PTK2: variants seen among roughly 807,000 people sequenced by gnomAD.
PTK2 encodes the protein protein tyrosine kinase 2.
Under a neutral mutation model 150.1 loss-of-function variants are expected in PTK2, and 45 were observed. The ratio of observed to expected loss-of-function variants is 0.30; its 90% CI spans 0.24 to 0.38. The LOEUF (loss-of-function observed/expected upper bound fraction) is 0.38. Among genes scored for constraint, PTK2 ranks in the 10% least tolerant of loss-of-function variants. PTK2 has a pLI of 1.00. For synonymous variants in PTK2, 432 were observed against 449.2 expected, an observed-to-expected ratio of 0.96 and a Z score of 0.48; for missense variants, 919 against 1,307.3, an observed-to-expected ratio of 0.70 and a Z score of 4.58.
intron 22 of PTK2, among the ~76,000 whole-genome samples, chr8:140,720,455 C>G (rs753397087): frequency 4.9e-4 from 74 of 152,106 alleles, no homozygotes; most frequent in Middle Eastern, 3.4e-3. Flanking sequence ...AAGGCTCAAT[C>G]AAACTCAAGG....
intron 17 of PTK2, chr8:140,751,786 C>T (rs1239055462): frequency 2.6e-6 from 1 of 386,376 alleles, no homozygotes; most frequent in African/African-American, 2.1e-5. Flanking sequence ...GCTACCGTGC[C>T]CAGCCTGGGT....
chr8:140,826,457 C>T (rs569507439), intron 8 of PTK2, among the ~76,000 whole-genome samples: 5 of 152,272 alleles, frequency 3.3e-5, no homozygotes, highest in South Asian at 2.1e-4. Flanking sequence ...CACAAAATTA[C>T]AGTGATTCCC....
chr8:140,931,518 A>G (rs1380995870), intron 1 of PTK2, among the ~76,000 whole-genome samples: 1 of 152,138 alleles, frequency 6.6e-6, no homozygotes, highest in Admixed American at 6.5e-5. Flanking sequence ...ATGAGCCATG[A>G]TTGTGCCAAT....
At chr8:140,707,883 T>C (rs557382625) in intron 23 of PTK2, among the ~76,000 whole-genome samples, 1 of 152,360 alleles carries the variant, frequency 6.6e-6, no homozygotes, top group East Asian at 1.9e-4. Context: ...ATTGTTTGAC[T>C]ACTTCCCGGT....
intron 27 of PTK2, 53 bp downstream of exon 30, chr8:140,686,579 G>T: frequency 7.3e-7 from 1 of 1,369,774 alleles, no homozygotes; most frequent in Non-Finnish European, 1.0e-6. Flanking sequence ...AAACACTGAT[G>T]GTCCACGCAC....
intron 3 of PTK2, among the ~76,000 whole-genome samples, chr8:140,886,740 T>C (rs1019903040): frequency 4.6e-5 from 7 of 152,250 alleles, no homozygotes; most frequent in African/African-American, 1.7e-4. Flanking sequence ...TTATCTGATA[T>C]AGACTTCTAA....
intron 22 of PTK2, among the ~76,000 whole-genome samples, chr8:140,722,325 A>T (rs1033102621): frequency 6.6e-6 from 1 of 152,126 alleles, no homozygotes; most frequent in Non-Finnish European, 1.5e-5. Context: ...CCTAGGCTGG[A>T]GTTCAGTGGC....
intron 27 of PTK2, 181 bp from the exon 31 acceptor site, chr8:140,675,680 A>C: frequency 1.8e-6 from 1 of 563,836 alleles, no homozygotes; most frequent in Non-Finnish European, 3.2e-6. Context: ...AAATAAGCAA[A>C]TGATGCCAAT....
intron 5 of PTK2, among the ~76,000 whole-genome samples, chr8:140,847,932 T>TCCC (rs2100126644): frequency 6.6e-6 from 1 of 152,116 alleles, no homozygotes; most frequent in South Asian, 2.1e-4. Flanking sequence ...ATTATGACCG[T>TCCC]CCCTTGCAAA....
chr8:140,951,355 C>T (rs929601380), intron 1 of PTK2, among the ~76,000 whole-genome samples: 4 of 152,152 alleles, frequency 2.6e-5, no homozygotes, highest in Non-Finnish European at 2.9e-5. Flanking sequence ...AATGGCCCAA[C>T]GGACTTACGA....
At chr8:140,670,132 G>C (rs2094712984) in intron 29 of PTK2, 1 of 167,880 alleles carries the variant, frequency 6.0e-6, no homozygotes, top group Non-Finnish European at 1.3e-5. Context: ...CATAGATTCA[G>C]GAGAAACTGC....
At chr8:140,861,989 C>T (rs78478216) in intron 5 of PTK2, among the ~76,000 whole-genome samples, 1 of 152,088 alleles carries the variant, frequency 6.6e-6, no homozygotes, top group Non-Finnish European at 1.5e-5. Flanking sequence ...TATAGACTAC[C>T]ATAAAATATA....
At chr8:140,837,806 C>G (rs1484950305) in intron 7 of PTK2, among the ~76,000 whole-genome samples, 1 of 151,846 alleles carries the variant, frequency 6.6e-6, no homozygotes, top group Non-Finnish European at 1.5e-5. Flanking sequence ...CACCTGTAAT[C>G]CTAGCACTTT....
chr8:140,703,629 A>G (rs1015394317), intron 24 of PTK2, among the ~76,000 whole-genome samples: 3 of 152,096 alleles, frequency 2.0e-5, no homozygotes, highest in African/African-American at 7.2e-5. Context: ...TACACAAAAA[A>G]TCCCCCAAAT....
chr8:140,978,316 A>G (rs2100190080), intron 1 of PTK2, among the ~76,000 whole-genome samples: 1 of 152,264 alleles, frequency 6.6e-6, no homozygotes, highest in Admixed American at 6.5e-5. Context: ...ATCAGAGTGA[A>G]CAGGCAACCT....
At chr8:140,924,726 G>T (rs1362925872) in intron 2 of PTK2, among the ~76,000 whole-genome samples, 1 of 152,112 alleles carries the variant, frequency 6.6e-6, no homozygotes, top group African/African-American at 2.4e-5. Context: ...TCAAGAATAT[G>T]AGAAGAGAAA....
intron 4 of PTK2, among the ~76,000 whole-genome samples, chr8:140,868,682 C>A (rs1173398191): frequency 6.6e-6 from 1 of 152,080 alleles, no homozygotes; most frequent in Admixed American, 6.6e-5. Context: ...TTGCCAAAAA[C>A]GCAAAACCTT....
At chr8:140,724,558 C>G (rs2100044719) in intron 22 of PTK2, among the ~76,000 whole-genome samples, 1 of 152,118 alleles carries the variant, frequency 6.6e-6, no homozygotes. Context: ...TGATCCTGAT[C>G]ATAAAATTTG....
intron 1 of PTK2, among the ~76,000 whole-genome samples, chr8:140,968,419 G>A (rs1051054904): frequency 6.6e-6 from 1 of 152,054 alleles, no homozygotes; most frequent in African/African-American, 2.4e-5. Flanking sequence ...TATATGACTA[G>A]CCAAGCACTA....
Sources: gnomAD v4.1 joint callset for allele counts (sites outside exome capture counted in the v4.1 genomes callset) on GRCh38, gnomAD v4.1.1 for gene constraint, MANE v1.5 for transcripts, NCBI Gene and HGNC (gene_info 2026-07-23, HGNC 2026-07-21) for gene names.